The following POU2F3 variants were observed in gnomAD, a reference collection of about 807,000 sequenced individuals.
POU2F3 encodes POU class 2 homeobox 3, also known as POU domain, class 2, transcription factor 3.
A neutral mutation model predicts 59.2 loss-of-function variants in POU2F3; 23 were observed. The ratio of observed to expected loss-of-function variants is 0.39; its 90% CI spans 0.28 to 0.55. POU2F3 has a LOEUF of 0.55. POU2F3 is among the 20% of genes least tolerant of loss of function. The pLI, the probability that POU2F3 is intolerant of heterozygous loss-of-function variation, is 0.66. For missense variants in POU2F3, 473 were observed against 544.5 expected, an observed-to-expected ratio of 0.87 and a Z score of 1.31; for synonymous variants, 190 against 214.6, an observed-to-expected ratio of 0.89 and a Z score of 1.00.
chr11:120,269,467 G>T (rs1246493895), intron 3 of POU2F3, among the ~76,000 whole-genome samples: 1 of 152,158 alleles, frequency 6.6e-6, no homozygotes, highest in East Asian at 1.9e-4. Flanking sequence ...AACAAATGGA[G>T]CACCTGTTTA....
chr11:120,259,803 A>C (rs1941411), intron 2 of POU2F3, among the ~76,000 whole-genome samples: 2 of 152,040 alleles, frequency 1.3e-5, no homozygotes, highest in Non-Finnish European at 2.9e-5. Flanking sequence ...TTTACTGTGC[A>C]TTTTCTGGAC....
intron 2 of POU2F3, among the ~76,000 whole-genome samples, chr11:120,259,729 C>T (rs1223447038): frequency 2.6e-5 from 4 of 152,166 alleles, no homozygotes; most frequent in African/African-American, 9.7e-5. Context: ...TTGAAGGCTA[C>T]GGAGATTAAG....
chr11:120,240,318 C>A lies in POU2F3; in HGVS notation c.-26C>A. ...CAGAGGCGAGGGGCCTGGGGGGGCG[C>A]TGGCTTTGGCCCCGCCTGGGGCAGG... On this transcript the variant is annotated 5_prime_UTR_variant, in exon 1 of 13. In the 5' UTR this introduces an upstream ATG that the reference lacks. Transcript: ENST00000543440. 1 of 1,368,582 alleles carries A rather than the reference C, an allele frequency of 7.3e-7. No homozygotes were observed. The allele number at this position is 1,368,582 out of a possible 1,614,324, so 84.8% of individuals were successfully genotyped here. A position where few individuals can be genotyped will look rare whatever the true frequency, so the allele number is the denominator to read the frequency against.
chr11:120,269,520 G>A (rs1036112261), intron 3 of POU2F3, among the ~76,000 whole-genome samples: 2 of 152,200 alleles, frequency 1.3e-5, no homozygotes, highest in Admixed American at 1.3e-4. Flanking sequence ...TCTAAGACAA[G>A]AGCTCTTTTC....
chr11:120,314,472 C>G (rs533197276), intron 10 of POU2F3, among the ~76,000 whole-genome samples: 14 of 152,210 alleles, frequency 9.2e-5, no homozygotes, highest in Non-Finnish European at 2.1e-4. Context: ...AACAAGCTGA[C>G]ACTCTTTGCC....
At chr11:120,260,597 A>G (rs1243648253) in intron 2 of POU2F3, among the ~76,000 whole-genome samples, 1 of 152,178 alleles carries the variant, frequency 6.6e-6, no homozygotes, top group East Asian at 1.9e-4. Context: ...CTTAATTCAA[A>G]TTCTGTGGAC....
chr11:120,305,253 C>A (rs200539961), intron 7 of POU2F3, 41 bp downstream of exon 7: 7 of 1,591,186 alleles, frequency 4.4e-6, no homozygotes, highest in African/African-American at 2.7e-5. Context: ...TCTAGCCGAG[C>A]GGCTGGAGAC....
chr11:120,309,682 TA>T, intron 10 of POU2F3, 96 bp downstream of exon 10: 1 of 1,388,176 alleles, frequency 7.2e-7, no homozygotes. Context: ...GAGCATCCAG[TA>T]AATAAATAAG....
upstream of POU2F3, among the ~76,000 whole-genome samples, chr11:120,236,903 T>C (rs1308727281): frequency 1.3e-5 from 2 of 152,226 alleles, no homozygotes; most frequent in Non-Finnish European, 2.9e-5. Context: ...ACGTCTCTGC[T>C]GAGCCATATG....
chr11:120,246,569 TGG>T, intron 2 of POU2F3, 52 bp downstream of exon 2: 3 of 1,583,984 alleles, frequency 1.9e-6, no homozygotes, highest in Non-Finnish European at 2.6e-6. Context: ...AGAGAGTTGT[TGG>T]GAATTGTTGA....
intron 11 of POU2F3, among the ~76,000 whole-genome samples, chr11:120,315,666 C>A (rs948568352): frequency 6.6e-6 from 1 of 152,120 alleles, no homozygotes; most frequent in African/African-American, 2.4e-5. Context: ...CTTCTAAGCA[C>A]TTAGGTGCAT....
chr11:120,302,449 C>G (rs1372531210), intron 6 of POU2F3, 81 bp downstream of exon 6: 4 of 1,363,406 alleles, frequency 2.9e-6, no homozygotes, highest in Non-Finnish European at 3.1e-6. Context: ...CCCCCTACCC[C>G]TTTAACAGGG....
intron 2 of POU2F3, among the ~76,000 whole-genome samples, chr11:120,262,365 C>T (rs1284824309): frequency 6.6e-6 from 1 of 152,168 alleles, no homozygotes; most frequent in Non-Finnish European, 1.5e-5. Flanking sequence ...TTTAAACAAA[C>T]ACAAAATGAG....
chr11:120,298,528 G>A, intron 4 of POU2F3, 138 bp downstream of exon 4: 1 of 1,216,256 alleles, frequency 8.2e-7, no homozygotes, highest in South Asian at 1.6e-5. Flanking sequence ...TGTGAGTAGG[G>A]TTCTAAAACA....
intron 2 of POU2F3, among the ~76,000 whole-genome samples, chr11:120,257,380 G>A (rs1484441951): frequency 5.9e-5 from 9 of 151,600 alleles, no homozygotes; most frequent in South Asian, 2.1e-4. Flanking sequence ...CTTCCCCTCC[G>A]CCTACCACCC....
intron 7 of POU2F3, 80 bp downstream of exon 7, chr11:120,305,292 C>A: frequency 6.7e-7 from 1 of 1,492,038 alleles, no homozygotes; most frequent in South Asian, 1.3e-5. Flanking sequence ...GTTTCAAGAG[C>A]GACCAGAGGC....
At chr11:120,240,025 TC>T (rs538024742), upstream of POU2F3, among the ~76,000 whole-genome samples, 1,788 of 152,222 alleles carry the variant, frequency 0.012, 36 homozygotes, top group African/African-American at 0.041. Context: ...CCTCCCCAGG[TC>T]CCCAGCTCCA....
At chr11:120,308,235 G>C (rs1941554506) in intron 9 of POU2F3, among the ~76,000 whole-genome samples, 1 of 152,166 alleles carries the variant, frequency 6.6e-6, no homozygotes, top group Non-Finnish European at 1.5e-5. Flanking sequence ...GTGTGGGCTG[G>C]GGAAGAGAAG....
chr11:120,295,970 T>C (rs935874453), intron 3 of POU2F3, among the ~76,000 whole-genome samples: 1 of 152,218 alleles, frequency 6.6e-6, no homozygotes. Context: ...CTTGGTGTTA[T>C]TTAGATCTGC....
Sources: gnomAD v4.1 joint callset for allele counts (sites outside exome capture counted in the v4.1 genomes callset) on GRCh38, gnomAD v4.1.1 for gene constraint, MANE v1.5 for transcripts, NCBI Gene and HGNC (gene_info 2026-07-23, HGNC 2026-07-21) for gene names.